Variants in ANO3 observed in about 807,000 individuals in gnomAD.
The protein encoded by ANO3 is anoctamin 3.
In ANO3, 99 loss-of-function variants were observed where a neutral mutation model predicts 144.8. The observed-to-expected ratio is 0.68, with a 90% CI of 0.58 to 0.81. The LOEUF (loss-of-function observed/expected upper bound fraction) is 0.81, where lower values mean the gene tolerates loss of function less well. ANO3 is among the 30% of genes least tolerant of loss of function. The probability of loss-of-function intolerance (pLI) is 0.00; values close to 1 mark genes in which losing one functional copy is unlikely to be tolerated. For missense variants in ANO3, 905 were observed against 1,202.2 expected, an observed-to-expected ratio of 0.75 and a Z score of 3.66; for synonymous variants, 414 against 392.6, an observed-to-expected ratio of 1.05 and a Z score of -0.64.
intron 1 of ANO3, among the ~76,000 whole-genome samples, chr11:26,252,799 A>G (rs1284816910): frequency 6.6e-6 from 1 of 152,102 alleles, no homozygotes; most frequent in African/African-American, 2.4e-5. Context: ...CTTTTTTCTC[A>G]TTTTATGCTA....
intron 4 of ANO3, among the ~76,000 whole-genome samples, chr11:26,492,160 G>T (rs1467662568): frequency 6.6e-6 from 1 of 152,212 alleles, no homozygotes; most frequent in Non-Finnish European, 1.5e-5. Flanking sequence ...AATAAAATTA[G>T]ATTCTCTTTG....
rs1048663661 is a variant in ANO3, at chr11:26,629,975, G to T, written c.1874-4229G>T. On this transcript the variant is annotated intron_variant, in intron 18 of 26. Coordinates refer to ENST00000256737, the MANE Select transcript of ANO3 (RefSeq NM_031418.4). ...TTAGGAATTTCCAATGGGATTTTAA[G>T]TAAAAATAGTTTGTAGATTTTTACT... Among the ~76,000 whole-genome samples, 3 of 152,154 alleles carry T rather than the reference G, an allele frequency of 2.0e-5. No homozygotes were observed. The South Asian group carries it at 6.2e-4, about 32-fold the overall frequency.
At chr11:26,238,080 A>C (rs1412814256) in intron 1 of ANO3, among the ~76,000 whole-genome samples, 1 of 152,162 alleles carries the variant, frequency 6.6e-6, no homozygotes, top group Admixed American at 6.5e-5. Flanking sequence ...TTTTATCTTC[A>C]TTCCTACTAT....
chr11:26,364,430 C>T (rs1380479346), intron 1 of ANO3, among the ~76,000 whole-genome samples: 1 of 152,180 alleles, frequency 6.6e-6, no homozygotes, highest in African/African-American at 2.4e-5. Context: ...TTAGGCCACT[C>T]TTGTGTTGCT....
intron 5 of ANO3, among the ~76,000 whole-genome samples, chr11:26,509,968 C>T (rs1343931897): frequency 6.6e-6 from 1 of 151,602 alleles, no homozygotes; most frequent in Non-Finnish European, 1.5e-5. Flanking sequence ...GTGGTGAAAA[C>T]CCATCTCTTA....
At chr11:26,292,608 C>T (rs1447709543) in intron 1 of ANO3, among the ~76,000 whole-genome samples, 2 of 152,070 alleles carry the variant, frequency 1.3e-5, no homozygotes, top group African/African-American at 2.4e-5. Context: ...GTGTGGGTGT[C>T]CTTTTTGTTG....
intron 12 of ANO3, among the ~76,000 whole-genome samples, chr11:26,550,744 A>C (rs11029609): frequency 0.052 from 7,970 of 152,068 alleles, 264 homozygotes; most frequent in Admixed American, 0.095. Flanking sequence ...GAGTGCAGAC[A>C]GCACTTCCAG....
chr11:26,309,893 C>A (rs955695252), intron 1 of ANO3, among the ~76,000 whole-genome samples: 1 of 152,128 alleles, frequency 6.6e-6, no homozygotes, highest in African/African-American at 2.4e-5. Flanking sequence ...AAAGCATATT[C>A]ACATATGTAA....
At chr11:26,224,023 G>C (rs1036999680) in intron 1 of ANO3, among the ~76,000 whole-genome samples, 1 of 152,110 alleles carries the variant, frequency 6.6e-6, no homozygotes, top group Non-Finnish European at 1.5e-5. Flanking sequence ...CGTTGGAAAA[G>C]GTTTTGGCTA....
At chr11:26,473,426 A>G (rs1004735425) in intron 4 of ANO3, among the ~76,000 whole-genome samples, 1 of 151,972 alleles carries the variant, frequency 6.6e-6, no homozygotes, top group African/African-American at 2.4e-5. Flanking sequence ...GCTCAGAGAC[A>G]ATACAATGCA....
intron 3 of ANO3, among the ~76,000 whole-genome samples, chr11:26,458,945 A>C (rs981984168): frequency 1.6e-4 from 24 of 152,088 alleles, no homozygotes; most frequent in Non-Finnish European, 1.8e-4. Flanking sequence ...AAAAATAATA[A>C]AGCATTGCGA....
At chr11:26,322,890 T>C (rs892820385) in intron 1 of ANO3, among the ~76,000 whole-genome samples, 2 of 152,144 alleles carry the variant, frequency 1.3e-5, no homozygotes, top group Non-Finnish European at 2.9e-5. Flanking sequence ...TTATTTGGAA[T>C]TGTTCTGCAT....
chr11:26,648,977 G>A (rs1325844595), intron 24 of ANO3, among the ~76,000 whole-genome samples: 2 of 152,202 alleles, frequency 1.3e-5, no homozygotes, highest in Non-Finnish European at 2.9e-5. Context: ...GTTTCAGATA[G>A]GTGATAAAGG....
intron 1 of ANO3, among the ~76,000 whole-genome samples, chr11:26,201,721 T>A (rs1337231408): frequency 6.6e-6 from 1 of 151,844 alleles, no homozygotes; most frequent in Non-Finnish European, 1.5e-5. Context: ...AGTAGTAATA[T>A]GTTTCATTCA....
intron 17 of ANO3, among the ~76,000 whole-genome samples, chr11:26,602,568 GT>G (rs926302293): frequency 4.9e-5 from 7 of 142,654 alleles, no homozygotes; most frequent in African/African-American, 5.2e-5. Context: ...TGCTACAAAA[GT>G]TTTTTTTTCT....
At chr11:26,427,912 C>T (rs879312390) in intron 1 of ANO3, among the ~76,000 whole-genome samples, 2 of 152,052 alleles carry the variant, frequency 1.3e-5, no homozygotes, top group African/African-American at 4.8e-5. Context: ...ATCATAAGAT[C>T]TCATGAGAAC....
chr11:26,492,811 A>G (rs1204763651), intron 4 of ANO3, among the ~76,000 whole-genome samples: 2 of 152,198 alleles, frequency 1.3e-5, no homozygotes, highest in East Asian at 3.8e-4. Flanking sequence ...GTCCTACTTT[A>G]TGAATGAAGC....
At chr11:26,312,004 C>A (rs564143629) in intron 1 of ANO3, among the ~76,000 whole-genome samples, 12 of 152,160 alleles carry the variant, frequency 7.9e-5, no homozygotes, top group African/African-American at 2.2e-4. Context: ...CCGCTCTCCC[C>A]CAACCCCACA....
At chr11:26,383,441 G>A (rs1296315891) in intron 1 of ANO3, among the ~76,000 whole-genome samples, 1 of 151,984 alleles carries the variant, frequency 6.6e-6, no homozygotes, top group Non-Finnish European at 1.5e-5. Context: ...TTCCACATTT[G>A]ACGCTATGGT....
Sources: allele counts gnomAD v4.1 joint callset (sites outside exome capture counted in the v4.1 genomes callset), GRCh38; gene constraint gnomAD v4.1.1; transcripts MANE v1.5; gene names NCBI Gene and HGNC (gene_info 2026-07-23, HGNC 2026-07-21).